TMPRSS15: variants seen among roughly 807,000 people sequenced by gnomAD.
TMPRSS15 encodes transmembrane serine protease 15.
Under a neutral mutation model 125.3 loss-of-function variants are expected in TMPRSS15, and 128 were observed. That is an observed-to-expected ratio of 1.02 (90% CI 0.89 to 1.18). The LOEUF (loss-of-function observed/expected upper bound fraction) is 1.18. Ranked by LOEUF, TMPRSS15 falls within the 50% of genes most tolerant of loss-of-function variation. The probability of loss-of-function intolerance (pLI) is 0.00; values close to 1 mark genes in which losing one functional copy is unlikely to be tolerated. For missense variants in TMPRSS15, 1,283 were observed against 1,212.7 expected (o/e 1.06, Z -0.86); for synonymous variants, 446 against 423.2 (o/e 1.05, Z -0.66).
chr21:18,409,326 T>C (rs143533837), intron 1 of TMPRSS15, among the ~76,000 whole-genome samples: 5 of 152,278 alleles, frequency 3.3e-5, no homozygotes, highest in Admixed American at 3.3e-4. Context: ...AATTAATCTT[T>C]CTTAGAATGT....
intron 1 of TMPRSS15, among the ~76,000 whole-genome samples, chr21:18,443,244 A>C (rs2076246844): frequency 6.6e-6 from 1 of 152,214 alleles, no homozygotes; most frequent in Non-Finnish European, 1.5e-5. Flanking sequence ...TAGAGAACAG[A>C]GGGGCTGGTG....
rs756002643 is a variant in TMPRSS15, at chr21:18,403,614, C to A, written c.9G>T (p.Ser3=). Residue 3 remains serine, a synonymous_variant, in exon 1 of 25, where the codon TCG becomes TCT. Transcript: ENST00000284885. ...GATGCCTAGAAGATATGCCTCTTTT[C>A]GACCCCATTTTTGGTTTTGAAGGCT... MG[S]KRGISSRHHS... is the part of the protein sequence containing the mutation. The A allele has an allele frequency of 1.2e-6, 2 of 1,613,916 alleles. No homozygotes were observed. Among genetic ancestry groups the A allele is most frequent in the African/African-American group, 2.7e-5 (2 of 74,908 alleles).
At chr21:18,270,781 AG>A (rs1412412265) in intron 24 of TMPRSS15, among the ~76,000 whole-genome samples, 1 of 152,226 alleles carries the variant, frequency 6.6e-6, no homozygotes, top group Non-Finnish European at 1.5e-5. Context: ...TAAATTTCAT[AG>A]ATTTTATTTG....
intron 1 of TMPRSS15, among the ~76,000 whole-genome samples, chr21:18,482,522 T>C (rs1979000795): frequency 6.6e-6 from 1 of 151,696 alleles, no homozygotes; most frequent in South Asian, 2.1e-4. Context: ...CGTCTATGCA[T>C]GTAACAAAAT....
At position 18,315,220 on chromosome 21, in the gene TMPRSS15, C is replaced by T; in HGVS notation, c.1958G>A (p.Gly653Glu). 1 of 1,613,890 alleles carries T rather than the reference C, an allele frequency of 6.2e-7. No homozygotes were observed. Among genetic ancestry groups the T allele is most frequent in the East Asian group, 2.2e-5 (1 of 44,868 alleles). The change falls in exon 17 of 25, where the codon GGA becomes GAA. Residue 653 changes from glycine to glutamate, a missense_variant. Coordinates refer to ENST00000284885, the MANE Select transcript of TMPRSS15 (RefSeq NM_002772.3). The part of the protein sequence containing the change: ...CKADHFQCKN[G>E]ECVPLVNLCD... ...GAGATTCACCAGTGGAACACACTCT[C>T]CATTTTTACATTGAAAATGGTCTGC... is the stretch of plus-strand genomic sequence containing the variant.
intron 16 of TMPRSS15, among the ~76,000 whole-genome samples, chr21:18,321,445 C>T (rs1235091801): frequency 6.7e-6 from 1 of 150,210 alleles, no homozygotes; most frequent in Non-Finnish European, 1.5e-5. Flanking sequence ...CTCCACCTCC[C>T]GGGTTCACGC....
intron 18 of TMPRSS15, among the ~76,000 whole-genome samples, chr21:18,307,232 C>G (rs1423996605): frequency 2.6e-5 from 4 of 152,188 alleles, no homozygotes; most frequent in African/African-American, 4.8e-5. Flanking sequence ...GATTACCTAA[C>G]TCATTTACGA....
chr21:18,293,447 A>T (rs2074862466), intron 21 of TMPRSS15, among the ~76,000 whole-genome samples: 1 of 152,170 alleles, frequency 6.6e-6, no homozygotes, highest in Admixed American at 6.5e-5. Context: ...TGACATAGGG[A>T]CAGGAGATGA....
In TMPRSS15 at chr21:18,403,719, T is replaced by C; in HGVS notation, c.-97A>G. On this transcript the variant is annotated 5_prime_UTR_variant, in exon 1 of 25. Transcript: ENST00000284885. ...AATCTCTCAAATTTTTAAAGATGTG[T>C]AAAGCAACAACCACCTGTCTACATG... 1 of 1,504,390 alleles carries C rather than the reference T, an allele frequency of 6.6e-7. No individual in the cohort carries two copies. Among genetic ancestry groups the C allele is most frequent in the East Asian group, 2.3e-5 (1 of 42,584 alleles). 93.2% of individuals were successfully genotyped at this position (1,504,390 alleles called of 1,614,324 possible).
At chr21:18,451,963 A>T (rs1406531074) in intron 1 of TMPRSS15, among the ~76,000 whole-genome samples, 1 of 152,062 alleles carries the variant, frequency 6.6e-6, no homozygotes, top group African/African-American at 2.4e-5. Flanking sequence ...GCATAATTTT[A>T]TTTTCTCATT....
upstream of TMPRSS15, among the ~76,000 whole-genome samples, chr21:18,404,949 C>T (rs2076137932): frequency 6.6e-6 from 1 of 151,916 alleles, no homozygotes; most frequent in Non-Finnish European, 1.5e-5. Context: ...AGAGACACCA[C>T]TTATGGACTT....
chr21:18,383,624 T>C lies in TMPRSS15; in HGVS notation c.496+3A>G. The C allele has an allele frequency of 1.9e-6, 3 of 1,613,470 alleles. No individual in the cohort carries two copies. The highest frequency in any genetic ancestry group is 8.5e-7 in the Non-Finnish European group (1 of 1,179,828). ...AAAGAAATCAAATAATGTTCACACATACCTAGGATATCAACGCTGTTCAAA... is the reference window on the plus strand; with the variant it reads ...AAAGAAATCAAATAATGTTCACACACACCTAGGATATCAACGCTGTTCAAA... On this transcript the variant is annotated splice_donor_region_variant and intron_variant, in intron 4 of 24. Coordinates refer to ENST00000284885, the MANE Select transcript of TMPRSS15 (RefSeq NM_002772.3).
Position 18,444,507 on chromosome 21 carries a change from A to G in TMPRSS15, c.10+41292T>C, listed in dbSNP as rs547274270. On this transcript the variant is annotated intron_variant, in intron 1 of 7. Transcript: ENST00000422787. The stretch of plus-strand genomic sequence containing the variant: ...GGGGGATGGGGGTGCTGGGGGAGGG[A>G]TAGCATTAAGAGAAATTCCTAATGT... 1.8e-4 allele frequency among the ~76,000 whole-genome samples: 28 copies of G among 152,214 alleles called. No homozygotes were observed. In the South Asian group the frequency reaches 5.6e-3, roughly 30 times the overall value.
chr21:18,344,479 C>T (rs1389670272), intron 10 of TMPRSS15, among the ~76,000 whole-genome samples: 3 of 152,118 alleles, frequency 2.0e-5, no homozygotes, highest in Non-Finnish European at 2.9e-5. Context: ...AATTTGAAGG[C>T]AAATTTAAGA....
chr21:18,327,152 G>T, intron 15 of TMPRSS15, among the ~76,000 whole-genome samples: 1 of 152,220 alleles, frequency 6.6e-6, no homozygotes, highest in South Asian at 2.1e-4. Context: ...AGTTTTATAT[G>T]TTGGAAGCCC....
At chr21:18,467,061 A>G (rs1207401155) in intron 1 of TMPRSS15, among the ~76,000 whole-genome samples, 1 of 152,196 alleles carries the variant, frequency 6.6e-6, no homozygotes, top group Non-Finnish European at 1.5e-5. Flanking sequence ...CATATACACC[A>G]TGGAATACTA....
Position 18,314,752 on chromosome 21 carries a change from G to C in TMPRSS15, c.2032+394C>G, listed in dbSNP as rs139389476. The stretch of plus-strand genomic sequence containing the variant: ...GCTGGAATGAAAACTCAGCAGGGCA[G>C]GGGGAGAAAGTGAACTATAAGTAAG... On this transcript the variant is annotated intron_variant, in intron 17 of 24. Transcript: ENST00000284885. Among the ~76,000 whole-genome samples, 999 of 152,270 alleles carry C rather than the reference G, an allele frequency of 6.6e-3. 10 individuals are homozygous for C. Among genetic ancestry groups the C allele is most frequent in the African/African-American group, 0.022 (899 of 41,558 alleles).
intron 1 of TMPRSS15, among the ~76,000 whole-genome samples, chr21:18,445,396 G>A (rs1265767827): frequency 6.6e-6 from 1 of 151,960 alleles, no homozygotes; most frequent in Non-Finnish European, 1.5e-5. Flanking sequence ...GGCCAGGCTG[G>A]TCTCAAACTC....
chr21:18,373,715 T>A (rs1328925074), intron 5 of TMPRSS15, among the ~76,000 whole-genome samples: 2 of 152,218 alleles, frequency 1.3e-5, no homozygotes, highest in African/African-American at 4.8e-5. Context: ...TCACTTTGGC[T>A]GTCCTAATGC....
Sources: allele counts gnomAD v4.1 joint callset (sites outside exome capture counted in the v4.1 genomes callset), GRCh38; gene constraint gnomAD v4.1.1; transcripts MANE v1.5; gene names NCBI Gene and HGNC (gene_info 2026-07-23, HGNC 2026-07-21).